Variants in BCAN observed in about 807,000 individuals in gnomAD.
BCAN encodes brevican core protein.
Under a neutral mutation model 92.4 loss-of-function variants are expected in BCAN, and 51 were observed. The ratio of observed to expected loss-of-function variants is 0.55; its 90% CI spans 0.44 to 0.70. The LOEUF (loss-of-function observed/expected upper bound fraction) is 0.70. Ranked by LOEUF, BCAN falls within the 30% of genes least tolerant of loss-of-function variation. The pLI, the probability that BCAN is intolerant of heterozygous loss-of-function variation, is 0.00. For synonymous variants in BCAN, 501 were observed against 505.2 expected, an observed-to-expected ratio of 0.99 and a Z score of 0.11; for missense variants, 1,140 against 1,212.1, an observed-to-expected ratio of 0.94 and a Z score of 0.88.
chr1:156,655,802 A>G (rs1389554367), intron 8 of BCAN, among the ~76,000 whole-genome samples: 1 of 152,150 alleles, frequency 6.6e-6, no homozygotes, highest in Non-Finnish European at 1.5e-5. Flanking sequence ...CTTCACTTCC[A>G]TTCATTCCAC....
chr1:156,647,547 C>T lies in BCAN; in HGVS notation c.506C>T (p.Ala169Val), dbSNP rs1679025274. ...FLYREGSARYAFSFSGAQEAC... is the reference protein window; with the variant it reads ...FLYREGSARYVFSFSGAQEAC... ...TACCGAGAGGGCTCTGCCCGCTATG[C>T]TTTCTCCTTTTCTGGGGCCCAGGAG... The change falls in exon 4 of 14, where the codon GCT becomes GTT. Residue 169 changes from alanine (A) to valine (V), a missense_variant. Transcript: ENST00000329117. The surrounding 1 kb of genome is among the most constrained non-coding windows in gnomAD (Gnocchi z 4.8). 1 of 1,605,866 alleles carries T rather than the reference C, an allele frequency of 6.2e-7. No homozygotes were observed.
chr1:156,658,079 C>CG lies in BCAN; in HGVS notation c.2293-46dup. On this transcript the variant is annotated intron_variant, in intron 11 of 13. Transcript: ENST00000329117. The surrounding 1 kb of genome is among the most constrained non-coding windows in gnomAD (Gnocchi z 4.4). ...TCCCCAGATCCTCTAGGCCCTCTCC[C>CG]GGTGCTCCTGGTGTAGGAGCTCCTC... 6.3e-7 allele frequency: 1 copy of CG among 1,596,274 alleles called. No individual in the cohort carries two copies. The highest frequency in any genetic ancestry group is 1.1e-5 in the South Asian group (1 of 87,752).
chr1:156,656,339 G>A lies in BCAN; in HGVS notation c.2000G>A (p.Gly667Glu), dbSNP rs377636856. 14 of 1,425,920 alleles carry A rather than the reference G, an allele frequency of 9.8e-6. No individual in the cohort carries two copies. In the African/African-American group the frequency reaches 1.9e-4, roughly 20 times the overall value. The allele number at this position is 1,425,920 out of a possible 1,614,324, so 88.3% of individuals were successfully genotyped here. A position where few individuals can be genotyped will look rare whatever the true frequency, so the allele number is the denominator to read the frequency against. ...GGGACATGCTTGGAGGAGGAGGAAG[G>A]GGTCCGCTGCCTATGTCTGCCTGGC... ...NGGTCLEEEE[G>E]VRCLCLPGYG... Residue 667 changes from glycine (G) to glutamate (E), a missense_variant, in exon 9 of 14, where the codon GGG (glycine) becomes GAG (glutamate). Physicochemically the swap from Gly to Glu is moderately conservative, Grantham distance 98 (BLOSUM62 -2). Transcript: ENST00000329117.
intron 5 of BCAN, 126 bp downstream of exon 5, chr1:156,648,236 G>A: frequency 1.5e-6 from 2 of 1,305,914 alleles, no homozygotes; most frequent in Non-Finnish European, 2.1e-6. Flanking sequence ...GGAGTAAGGA[G>A]ACAATTGGTG....
rs747145139 is a variant in BCAN, at chr1:156,648,557, T to C, written c.770-11T>C. ...GCTGCCTGATAACCCAGCCTTCTCT[T>C]CTCCACCCAGGAGAACTGTTCCTGG... On this transcript the variant is annotated splice_polypyrimidine_tract_variant and intron_variant, in intron 5 of 13. Coordinates refer to ENST00000329117, the MANE Select transcript of BCAN (RefSeq NM_021948.5). 1 of 1,571,856 alleles carries C rather than the reference T, an allele frequency of 6.4e-7. No homozygotes were observed. The highest frequency in any genetic ancestry group is 1.1e-5 in the South Asian group (1 of 87,534).
intron 5 of BCAN, 72 bp from the exon 6 acceptor site, chr1:156,648,496 G>A: frequency 2.7e-6 from 4 of 1,464,844 alleles, no homozygotes; most frequent in Non-Finnish European, 3.7e-6. Flanking sequence ...GCTTGCCCAG[G>A]GTTCCCATGG....
In BCAN at chr1:156,658,164, A is replaced by G. The variant is rs1284050082; in HGVS notation, c.2330A>G (p.Tyr777Cys). Residue 777 changes from tyrosine (Y) to cysteine (C), a missense_variant, in exon 12 of 14, where the codon TAC becomes TGC. This residue lies in a region of BCAN where 825 missense variants were observed against 871.8 expected (regional missense o/e 0.95). Coordinates refer to ENST00000329117, the MANE Select transcript of BCAN (RefSeq NM_021948.5). The surrounding 1 kb of genome is among the most constrained non-coding windows in gnomAD (Gnocchi z 4.4). Reference protein sequence around the residue: ...ENWNPGQPDSYFLSGENCVVM... With the variant: ...ENWNPGQPDSCFLSGENCVVM... ...TGGAACCCTGGGCAGCCTGACAGCT[A>G]CTTCCTGTCTGGAGAGAACTGCGTG... 6.2e-7 allele frequency: 1 copy of G among 1,613,980 alleles called. No individual in the cohort carries two copies.
intron 8 of BCAN, 145 bp downstream of exon 8, chr1:156,653,037 A>T: frequency 1.3e-6 from 2 of 1,495,924 alleles, no homozygotes; most frequent in Non-Finnish European, 1.8e-6. Flanking sequence ...ACCCACCTCT[A>T]CCTATGGGTC....
In BCAN at chr1:156,648,710, G is replaced by A; in HGVS notation, c.912G>A (p.Gly304=). 2 of 1,613,766 alleles carry A rather than the reference G, an allele frequency of 1.2e-6. No homozygotes were observed. Among genetic ancestry groups the A allele is most frequent in the Non-Finnish European group, 1.7e-6 (2 of 1,179,698 alleles). The change falls in exon 6 of 14, where the codon GGG becomes GGA. Residue 304 remains glycine, a synonymous_variant. Transcript: ENST00000329117. ...WDGGLDHCSP[G]WLADGSVRYP... The stretch of plus-strand genomic sequence containing the variant: ...GTGGCCTGGACCACTGCAGCCCAGG[G>A]TGGCTAGCTGATGGCAGTGTGCGCT...
At chr1:156,656,083 C>T (rs150063652) in intron 8 of BCAN, among the ~76,000 whole-genome samples, 199 bp from the exon 9 acceptor site, 2,582 of 152,182 alleles carry the variant, frequency 0.017, 32 homozygotes, top group Non-Finnish European at 0.029. Flanking sequence ...AAGTCGGGAG[C>T]GGGAAGAGGA....
rs772991754 is a variant in BCAN, at chr1:156,646,818, G to T, written c.109G>T (p.Val37Leu). ...GTTCACAGAGGACCGCGCTTTTCGC[G>T]TGCGCATCGCGGGCGACGCGCCACT... The part of the protein sequence containing the change: ...GDSSEDRAFR[V>L]RIAGDAPLQG... Residue 37 changes from valine to leucine, a missense_variant, in exon 3 of 14, where the codon GTG becomes TTG. By Grantham distance (32) the Val-to-Leu change is conservative (BLOSUM62 1). Transcript: ENST00000329117. 3.2e-6 allele frequency: 5 copies of T among 1,567,766 alleles called. No individual in the cohort carries two copies. In the African/African-American group the frequency reaches 4.1e-5, roughly 13 times the overall value.
In BCAN at chr1:156,647,081, G is replaced by A; in HGVS notation, c.372G>A (p.Leu124=). The A allele has an allele frequency of 6.2e-7, 1 of 1,609,522 alleles. No individual in the cohort carries two copies. The highest frequency in any genetic ancestry group is 8.5e-7 in the Non-Finnish European group (1 of 1,176,708). Residue 124 remains leucine, a synonymous_variant, in exon 3 of 14, where the codon CTG becomes CTA. Coordinates refer to ENST00000329117, the MANE Select transcript of BCAN (RefSeq NM_021948.5). This position sits in a 1 kb window ranked among gnomAD's most constrained non-coding sequence, Gnocchi z 4.8. ...CGCTCACCGACGTCTCCCTGGCGCT[G>A]AGCGAGCTGCGCCCCAACGACTCAG... ...PASLTDVSLA[L]SELRPNDSGI... is the part of the protein sequence containing the mutation.
Position 156,647,492 on chromosome 1 carries a change from C to T in BCAN, c.467-16C>T. ...CTGGGTGCTCACCTGGCTCAGGGGT[C>T]CTCTCTGCCCCACAGGGGTCGTCTT... On this transcript the variant is annotated splice_polypyrimidine_tract_variant and intron_variant, in intron 3 of 13. Coordinates refer to ENST00000329117, the MANE Select transcript of BCAN (RefSeq NM_021948.5). The surrounding 1 kb of genome is among the most constrained non-coding windows in gnomAD (Gnocchi z 4.8). The T allele has an allele frequency of 6.5e-7, 1 of 1,536,060 alleles. No individual in the cohort carries two copies. The highest frequency in any genetic ancestry group is 8.7e-7 in the Non-Finnish European group (1 of 1,143,344).
At chr1:156,656,756 C>A in intron 9 of BCAN, 182 bp from the exon 10 acceptor site, 1 of 809,132 alleles carries the variant, frequency 1.2e-6, no homozygotes, top group Non-Finnish European at 1.9e-6. Context: ...AGCGCCCCTG[C>A]CCAAGAGCCC....
chr1:156,646,613 G>A (rs1008435002), intron 2 of BCAN, 188 bp from the exon 3 acceptor site: 5 of 954,902 alleles, frequency 5.2e-6, no homozygotes, highest in African/African-American at 5.2e-5. Flanking sequence ...GGAGACCGTC[G>A]GGGTGGTCCT....
chr1:156,656,602 C>G, intron 9 of BCAN: 1 of 482,272 alleles, frequency 2.1e-6, no homozygotes, highest in East Asian at 3.2e-5. Flanking sequence ...GAGACCAGTG[C>G]AAAGCATACT....
intron 1 of BCAN, among the ~76,000 whole-genome samples, chr1:156,645,449 G>A (rs765743130): frequency 3.3e-5 from 5 of 152,128 alleles, no homozygotes; most frequent in Non-Finnish European, 7.4e-5. Flanking sequence ...GGAGAGGGTG[G>A]GCTCAGGAGA....
In BCAN at chr1:156,656,846, G is replaced by A. The variant is rs1312297605; in HGVS notation, c.2051-92G>A. On this transcript the variant is annotated intron_variant, in intron 9 of 13. Transcript: ENST00000329117. ...TGTCCCCCTTAGTCCCGCCCCTCTC[G>A]GCCTGCGGTAGTGGAAGGAGACCAG... 10 of 1,525,138 alleles carry A rather than the reference G, an allele frequency of 6.6e-6. No individual in the cohort carries two copies. The East Asian group carries it at 6.8e-5, about 10-fold the overall frequency. The allele number at this position is 1,525,138 out of a possible 1,614,324, so 94.5% of individuals were successfully genotyped here. A position where few individuals can be genotyped will look rare whatever the true frequency, so the allele number is the denominator to read the frequency against.
At chr1:156,656,218 GAGGGC>G in intron 8 of BCAN, 59 bp from the exon 9 acceptor site, 1 of 1,205,166 alleles carries the variant, frequency 8.3e-7, no homozygotes, top group Non-Finnish European at 1.1e-6. Flanking sequence ...CCCTCTCCTG[GAGGGC>G]TCAGGCTGCA....
Sources: gnomAD v4.1 joint callset for allele counts (sites outside exome capture counted in the v4.1 genomes callset) on GRCh38, gnomAD v4.1.1 for gene constraint, gnomAD v4.1.1 regional missense constraint, Gnocchi (gnomAD v3.1) non-coding constraint, MANE v1.5 for transcripts, NCBI Gene and HGNC (gene_info 2026-07-23, HGNC 2026-07-21) for gene names.